CNOT11: variants seen among roughly 807,000 people sequenced by gnomAD.
CNOT11 encodes the protein CCR4-NOT transcription complex subunit 11, also known as UPF0760 protein C2orf29.
In CNOT11, 18 loss-of-function variants were observed where a neutral mutation model predicts 44.6. The ratio of observed to expected loss-of-function variants is 0.40; its 90% confidence interval spans 0.28 to 0.60. The LOEUF (loss-of-function observed/expected upper bound fraction) is 0.60. Ranked by LOEUF, CNOT11 falls within the 20% of genes least tolerant of loss-of-function variation. The pLI, the probability that CNOT11 is intolerant of heterozygous loss-of-function variation, is 0.38. For synonymous variants in CNOT11, 291 were observed against 270.9 expected (o/e 1.07, Z -0.73); for missense variants, 513 against 677.0 (o/e 0.76, Z 2.69).
intron 1 of CNOT11, among the ~76,000 whole-genome samples, chr2:101,256,850 C>A (rs561741656): frequency 6.6e-6 from 1 of 151,454 alleles, no homozygotes; most frequent in Admixed American, 6.6e-5. Flanking sequence ...AGATCAAGAC[C>A]ATCCTGGCTA....
intron 2 of CNOT11, 104 bp from the exon 3 acceptor site, chr2:101,262,435 T>G (rs1681886446): frequency 1.0e-6 from 1 of 966,910 alleles, no homozygotes; most frequent in Non-Finnish European, 1.6e-6. Context: ...TCTCTGAATC[T>G]GGCCCTTTGT....
intron 2 of CNOT11, 45 bp downstream of exon 2, chr2:101,258,000 A>T (rs746760842): frequency 6.4e-7 from 1 of 1,560,914 alleles, no homozygotes. Flanking sequence ...TGGTAATATT[A>T]GGCCTCTCTT....
chr2:101,261,651 C>A (rs374076122), intron 2 of CNOT11, among the ~76,000 whole-genome samples: 21 of 152,258 alleles, frequency 1.4e-4, no homozygotes, highest in African/African-American at 5.1e-4. Context: ...TCCTCTTCAG[C>A]ATTTGGTAAT....
chr2:101,257,073 A>T (rs1466837686), intron 1 of CNOT11, among the ~76,000 whole-genome samples: 1 of 151,230 alleles, frequency 6.6e-6, no homozygotes, highest in Non-Finnish European at 1.5e-5. Flanking sequence ...AAGAAAATGA[A>T]GTTACTAATG....
Position 101,252,968 on chromosome 2 carries a change from C to A in CNOT11, c.4C>A (p.Pro2Thr). 1.4e-6 allele frequency: 2 copies of A among 1,473,956 alleles called. No individual in the cohort carries two copies. 91.3% of individuals were successfully genotyped at this position (1,473,956 alleles called of 1,614,324 possible). A position where few individuals can be genotyped will look rare whatever the true frequency, so the allele number is the denominator to read the frequency against. M[P>T]GGGASAASGR... ...GAGGGGAAGGGGAGCGAGGTTGATG[C>A]CCGGCGGAGGGGCGAGCGCGGCGTC... Residue 2 changes from proline (P) to threonine (T), a missense_variant, in exon 1 of 7, where the codon CCC (proline) becomes ACC (threonine). Physicochemically the swap from Pro to Thr is conservative, Grantham distance 38 (BLOSUM62 -1). Coordinates refer to ENST00000289382, the MANE Select transcript of CNOT11 (RefSeq NM_017546.5).
In CNOT11 at chr2:101,253,090, C is replaced by G. The variant is rs907162554; in HGVS notation, c.126C>G (p.Gly42=). Reference sequence around the variant, plus strand: ...TCGGGGGCTCCGGCGGCGGCAGAGGCGGAGCAAGCGGCCCCGGGTCCGGGA... The same window carrying G: ...TCGGGGGCTCCGGCGGCGGCAGAGGGGGAGCAAGCGGCCCCGGGTCCGGGA... ...SGFGGSGGGR[G]GASGPGSGSG... Residue 42 remains glycine, a synonymous_variant, in exon 1 of 7, where the codon GGC becomes GGG. Transcript: ENST00000289382. The surrounding 1 kb of genome is among the most constrained non-coding windows in gnomAD (Gnocchi z 4.3). 2 of 1,511,886 alleles carry G rather than the reference C, an allele frequency of 1.3e-6. No homozygotes were observed. The highest frequency in any genetic ancestry group is 2.9e-5 in the African/African-American group (2 of 68,736). The allele number at this position is 1,511,886 out of a possible 1,614,324, so 93.7% of individuals were successfully genotyped here. A position where few individuals can be genotyped will look rare whatever the true frequency, so the allele number is the denominator to read the frequency against.
In CNOT11 at chr2:101,257,683, TAAAAC is replaced by T. The variant is rs1029669495; in HGVS notation, c.515-107_515-103del. 517 of 826,752 alleles carry T rather than the reference TAAAAC, an allele frequency of 6.3e-4. 2 individuals carry two copies. Among genetic ancestry groups the T allele is most frequent in the Middle Eastern group, 4.5e-3 (13 of 2,862 alleles). 51.2% of individuals were successfully genotyped at this position (826,752 alleles called of 1,614,324 possible). A position where few individuals can be genotyped will look rare whatever the true frequency, so the allele number is the denominator to read the frequency against. ...TGAAACTTAATCATAATTTAGTTCT[TAAAAC>T]TATGTGGCTTGAAGTGGCAAGTAGC... On this transcript the variant is annotated intron_variant, in intron 1 of 6. Coordinates refer to ENST00000289382, the MANE Select transcript of CNOT11 (RefSeq NM_017546.5).
At chr2:101,264,710 A>AT in intron 3 of CNOT11, 135 bp from the exon 4 acceptor site, 1 of 678,832 alleles carries the variant, frequency 1.5e-6, no homozygotes, top group Non-Finnish European at 2.5e-6. Context: ...CCTGCTTCTG[A>AT]TTTTGAAGTA....
In CNOT11 at chr2:101,257,594, G is replaced by A. The variant is rs887554421; in HGVS notation, c.515-197G>A. 4.0e-4 allele frequency among the ~76,000 whole-genome samples: 61 copies of A among 152,134 alleles called. 1 individual carries two copies. Among genetic ancestry groups the A allele is most frequent in the East Asian group, 1.4e-3 (7 of 5,162 alleles). On this transcript the variant is annotated intron_variant, in intron 1 of 6. Coordinates refer to ENST00000289382, the MANE Select transcript of CNOT11 (RefSeq NM_017546.5). ...AAAAACCTTAAGTTTCATTTGTAGGGCCACAGATCATAGAATTTCAAATGA... is the reference window on the plus strand; with the variant it reads ...AAAAACCTTAAGTTTCATTTGTAGGACCACAGATCATAGAATTTCAAATGA...
intron 5 of CNOT11, among the ~76,000 whole-genome samples, 167 bp from the exon 6 acceptor site, chr2:101,268,873 A>G (rs1192440546): frequency 4.6e-5 from 7 of 152,236 alleles, no homozygotes; most frequent in African/African-American, 1.7e-4. Flanking sequence ...ATGAGTAAGT[A>G]GGTATGGCTC....
At chr2:101,268,495 G>A (rs902430817) in intron 5 of CNOT11, among the ~76,000 whole-genome samples, 1 of 152,164 alleles carries the variant, frequency 6.6e-6, no homozygotes, top group Non-Finnish European at 1.5e-5. Context: ...CGTGAAACAC[G>A]TTTTTTGGCG....
At chr2:101,261,345 C>T (rs879714876) in intron 2 of CNOT11, among the ~76,000 whole-genome samples, 7 of 152,138 alleles carry the variant, frequency 4.6e-5, no homozygotes, top group African/African-American at 1.7e-4. Flanking sequence ...TTGTGCCTTC[C>T]TTCTGTTGGG....
Position 101,269,286 on chromosome 2 carries a change from A to G in CNOT11, c.1406A>G (p.Asp469Gly). 6.2e-7 allele frequency: 1 copy of G among 1,613,606 alleles called. No homozygotes were observed. The highest frequency in any genetic ancestry group is 8.5e-7 in the Non-Finnish European group (1 of 1,179,928). ...LIRNKIINVQ[D>G]LFIEVQAFCI... ...CGTAACAAAATTATTAATGTACAGG[A>G]TTTGTTTATAGAAGTGCAGGCATTC... Residue 469 changes from aspartate (D) to glycine (G), a missense_variant, in exon 7 of 7, where the codon GAT becomes GGT. Coordinates refer to ENST00000289382, the MANE Select transcript of CNOT11 (RefSeq NM_017546.5). The surrounding 1 kb of genome is among the most constrained non-coding windows in gnomAD (Gnocchi z 4.8).
Position 101,269,182 on chromosome 2 carries a change from G to A in CNOT11, c.1336-34G>A, listed in dbSNP as rs768504754. The A allele has an allele frequency of 1.2e-6, 2 of 1,602,780 alleles. No individual in the cohort carries two copies. The highest frequency in any genetic ancestry group is 4.5e-5 in the East Asian group (2 of 44,808). The stretch of plus-strand genomic sequence containing the variant: ...TTTTATAAATGGCTGCCAGGAAAAT[G>A]AGCAGACTAACATTTTTTTTTTTCC... On this transcript the variant is annotated intron_variant, in intron 6 of 6. Transcript: ENST00000289382. The surrounding 1 kb of genome is among the most constrained non-coding windows in gnomAD (Gnocchi z 4.8).
chr2:101,262,305 A>G, intron 2 of CNOT11: 1 of 467,364 alleles, frequency 2.1e-6, no homozygotes, highest in Non-Finnish European at 3.9e-6. Flanking sequence ...TTATTATAAC[A>G]TTGATAAAAA....
chr2:101,254,595 C>G (rs945214201), intron 1 of CNOT11, among the ~76,000 whole-genome samples: 1 of 152,112 alleles, frequency 6.6e-6, no homozygotes, highest in Admixed American at 6.6e-5. Flanking sequence ...AAACTCACCA[C>G]CTAGGCCTGG....
rs750264802 is a variant in CNOT11 at position 101,264,815 on chromosome 2, T to C, written c.833-30T>C. On this transcript the variant is annotated intron_variant, in intron 3 of 6. Transcript: ENST00000289382. ...ATGTGTAGAGATGTTAGCTTCCTGA[T>C]AGGAGCAACTATCACGGCTCTCATT... The C allele has an allele frequency of 2.5e-6, 4 of 1,580,168 alleles. No individual in the cohort carries two copies. The South Asian group carries it at 3.3e-5, about 13-fold the overall frequency.
chr2:101,261,969 C>T (rs889904298), intron 2 of CNOT11, among the ~76,000 whole-genome samples: 4 of 151,488 alleles, frequency 2.6e-5, no homozygotes, highest in Admixed American at 2.6e-4. Context: ...GCCTCAGCCT[C>T]TCGAGTAGCT....
chr2:101,256,550 A>G (rs1429713265), intron 1 of CNOT11, among the ~76,000 whole-genome samples: 2 of 152,204 alleles, frequency 1.3e-5, no homozygotes, highest in African/African-American at 4.8e-5. Flanking sequence ...GGGAAGGAAC[A>G]TTCAGCCTTG....
Sources: gnomAD v4.1 joint callset for allele counts (sites outside exome capture counted in the v4.1 genomes callset) on GRCh38, gnomAD v4.1.1 for gene constraint, Gnocchi (gnomAD v3.1) non-coding constraint, MANE v1.5 for transcripts, NCBI Gene and HGNC (gene_info 2026-07-23, HGNC 2026-07-21) for gene names.